AKR1C4: variants seen among roughly 807,000 people sequenced by gnomAD.
The protein encoded by AKR1C4 is aldo-keto reductase family 1 member C4.
In AKR1C4, 44 loss-of-function variants were observed where a neutral mutation model predicts 41.0. The observed-to-expected ratio is 1.07, with a 90% CI of 0.84 to 1.38. AKR1C4 has a LOEUF of 1.38. Among genes scored for constraint, AKR1C4 ranks in the 40% most tolerant of loss-of-function variants. AKR1C4 has a pLI of 0.00. For synonymous variants in AKR1C4, 165 were observed against 137.7 expected (o/e 1.20, Z -1.39); for missense variants, 438 against 387.9 (o/e 1.13, Z -1.09).
chr10:5,207,007 A>AC (rs1832500185), intron 5 of AKR1C4, among the ~76,000 whole-genome samples: 1 of 152,050 alleles, frequency 6.6e-6, no homozygotes, highest in African/African-American at 2.4e-5. Context: ...GTGGCGTGCT[A>AC]CCCCCACCCC....
rs368974638 is a variant in AKR1C4, at chr10:5,204,473, C to A, written c.349C>A (p.His117Asn). The change falls in exon 3 of 9, where the codon CAT becomes AAT. Residue 117 changes from histidine to asparagine, a missense_variant. Transcript: ENST00000263126. The stretch of plus-strand genomic sequence containing the variant: ...GGACTATGTTGACCTCTATCTTCTT[C>A]ATTTCCCAATGGCTCTCAAGGTAGG... ...QLDYVDLYLL[H>N]FPMALKPGET... 13 of 1,612,738 alleles carry A rather than the reference C, an allele frequency of 8.1e-6. No individual in the cohort carries two copies. The highest frequency in any genetic ancestry group is 1.3e-5 in the African/African-American group (1 of 74,894).
Position 5,204,497 on chromosome 10 carries a change from G to C in AKR1C4, c.369+4G>C, listed in dbSNP as rs782236272. 8 of 1,591,582 alleles carry C rather than the reference G, an allele frequency of 5.0e-6. No homozygotes were observed. In the East Asian group the frequency reaches 6.7e-5, roughly 13 times the overall value. ...TCATTTCCCAATGGCTCTCAAGGTA[G>C]GGAATTTGTGAGATCAACTTCTCTT... is the stretch of plus-strand genomic sequence containing the variant. On this transcript the variant is annotated splice_donor_region_variant and intron_variant, in intron 3 of 8. Coordinates refer to ENST00000263126, the MANE Select transcript of AKR1C4 (RefSeq NM_001818.5).
At chr10:5,217,392 CT>C (rs1439551853) in intron 8 of AKR1C4, among the ~76,000 whole-genome samples, 1 of 152,218 alleles carries the variant, frequency 6.6e-6, no homozygotes, top group Non-Finnish European at 1.5e-5. Context: ...GGCAATAGAA[CT>C]CTTGGCTTTA....
Position 5,200,348 on chromosome 10 carries a change from G to T in AKR1C4, c.252G>T (p.Lys84Asn), listed in dbSNP as rs1167542964. The change falls in exon 2 of 9, where the codon AAG becomes AAT. Residue 84 changes from lysine to asparagine, a missense_variant and splice_region_variant. Lys to Asn is a moderately conservative substitution (Grantham distance 94, BLOSUM62 0). Transcript: ENST00000263126. Reference protein sequence around the residue: ...VKREDIFYTSKLWCTFFQPQM... With the variant: ...VKREDIFYTSNLWCTFFQPQM... ...GAGAAGACATATTCTACACTTCAAA[G>T]GTACTGTGCCTATGATGAGCATGTA... 2 of 1,612,100 alleles carry T rather than the reference G, an allele frequency of 1.2e-6. No homozygotes were observed. The highest frequency in any genetic ancestry group is 1.7e-6 in the Non-Finnish European group (2 of 1,178,998).
chr10:5,210,874 T>A (rs995127517), intron 5 of AKR1C4, among the ~76,000 whole-genome samples: 21 of 152,196 alleles, frequency 1.4e-4, no homozygotes, highest in African/African-American at 4.8e-4. Flanking sequence ...CCTCCCAAAG[T>A]GCTGGGATTA....
At chr10:5,215,673 C>G (rs1398929699) in intron 7 of AKR1C4, among the ~76,000 whole-genome samples, 1 of 152,226 alleles carries the variant, frequency 6.6e-6, no homozygotes, top group Non-Finnish European at 1.5e-5. Context: ...ACGATGCAGT[C>G]AAGTTCTTTC....
intron 5 of AKR1C4, among the ~76,000 whole-genome samples, chr10:5,210,417 GC>G (rs1832554853): frequency 1.3e-5 from 2 of 152,154 alleles, no homozygotes; most frequent in Admixed American, 6.5e-5. Flanking sequence ...GAGGATGGTG[GC>G]CCTTTTCTCA....
intron 3 of AKR1C4, 27 bp downstream of exon 3, chr10:5,204,520 C>G (rs1415154364): frequency 6.7e-6 from 10 of 1,484,230 alleles, no homozygotes; most frequent in Non-Finnish European, 9.4e-6. Context: ...ATCAACTTCT[C>G]TTCTGTTCTC....
At chr10:5,206,252 C>A in intron 4 of AKR1C4, 23 bp from the exon 5 acceptor site, 1 of 1,613,780 alleles carries the variant, frequency 6.2e-7, no homozygotes, top group Non-Finnish European at 8.5e-7. Context: ...ACAAATAATT[C>A]CTCACAACCC....
intron 5 of AKR1C4, chr10:5,207,670 C>T: frequency 1.0e-6 from 1 of 974,936 alleles, no homozygotes; most frequent in Non-Finnish European, 1.5e-6. Context: ...AATCATAGGA[C>T]ATGAAATAAA....
intron 7 of AKR1C4, among the ~76,000 whole-genome samples, chr10:5,215,541 T>A (rs1554798428): frequency 6.6e-6 from 1 of 152,174 alleles, no homozygotes; most frequent in African/African-American, 2.4e-5. Flanking sequence ...CACCCATACC[T>A]GATCATAGGC....
chr10:5,217,078 G>C (rs17134589), intron 8 of AKR1C4, among the ~76,000 whole-genome samples: 10,952 of 152,292 alleles, frequency 0.072, 493 homozygotes, highest in Admixed American at 0.13. Flanking sequence ...TTTCATGTAG[G>C]CCTGGCATTT....
At chr10:5,204,325 T>TA in intron 2 of AKR1C4, 52 bp from the exon 3 acceptor site, 1 of 1,385,294 alleles carries the variant, frequency 7.2e-7, no homozygotes, top group Non-Finnish European at 1.0e-6. Flanking sequence ...AGCAAACTAA[T>TA]AAAACTAGCT....
At chr10:5,203,359 GATAAA>G (rs1422182175) in intron 2 of AKR1C4, among the ~76,000 whole-genome samples, 7 of 152,316 alleles carry the variant, frequency 4.6e-5, no homozygotes, top group African/African-American at 1.7e-4. Flanking sequence ...TCCCCTGTGA[GATAAA>G]ATAAGAAATG....
chr10:5,204,507 G>T lies in AKR1C4; in HGVS notation c.369+14G>T. On this transcript the variant is annotated intron_variant, in intron 3 of 8. Coordinates refer to ENST00000263126, the MANE Select transcript of AKR1C4 (RefSeq NM_001818.5). ...ATGGCTCTCAAGGTAGGGAATTTGT[G>T]AGATCAACTTCTCTTCTGTTCTCAG... 2 of 1,541,572 alleles carry T rather than the reference G, an allele frequency of 1.3e-6. No individual in the cohort carries two copies. Among genetic ancestry groups the T allele is most frequent in the Non-Finnish European group, 1.8e-6 (2 of 1,114,090 alleles).
chr10:5,206,213 T>C, intron 4 of AKR1C4, 62 bp from the exon 5 acceptor site: 2 of 1,610,956 alleles, frequency 1.2e-6, no homozygotes, highest in Non-Finnish European at 8.5e-7. Context: ...AGTTCTGTCT[T>C]GCATTTATCA....
intron 2 of AKR1C4, among the ~76,000 whole-genome samples, chr10:5,201,314 GAT>G (rs1280731042): frequency 6.6e-6 from 1 of 152,170 alleles, no homozygotes. Flanking sequence ...TGCAGAAGGT[GAT>G]ATCTCATTGT....
At chr10:5,217,568 T>TGGCCA (rs1315896791) in intron 8 of AKR1C4, among the ~76,000 whole-genome samples, 6 of 152,224 alleles carry the variant, frequency 3.9e-5, no homozygotes, top group Non-Finnish European at 5.9e-5. Context: ...CAGACCAGCC[T>TGGCCA]GGCCAAAATG....
intron 1 of AKR1C4, among the ~76,000 whole-genome samples, chr10:5,198,532 G>A (rs539160105): frequency 6.6e-6 from 1 of 152,266 alleles, no homozygotes; most frequent in African/African-American, 2.4e-5. Flanking sequence ...CTTGGGAATT[G>A]AGTCTCCAAA....
Sources: allele counts gnomAD v4.1 joint callset (sites outside exome capture counted in the v4.1 genomes callset), GRCh38; gene constraint gnomAD v4.1.1; transcripts MANE v1.5; gene names NCBI Gene and HGNC (gene_info 2026-07-23, HGNC 2026-07-21).